REEP3: variants seen among roughly 807,000 people sequenced by gnomAD.
The protein encoded by REEP3 is receptor accessory protein 3.
REEP3 carries 20 observed loss-of-function variants against 41.3 expected under a neutral mutation model. The observed-to-expected ratio is 0.48, with a 90% CI of 0.34 to 0.70. The LOEUF is 0.70. Ranked by LOEUF, REEP3 falls within the 30% of genes least tolerant of loss-of-function variation. REEP3 has a pLI of 0.01. For synonymous variants in REEP3, 104 were observed against 101.8 expected, an observed-to-expected ratio of 1.02 and a Z score of -0.13; for missense variants, 271 against 308.8, an observed-to-expected ratio of 0.88 and a Z score of 0.92.
chr10:63,597,907 C>CAA (rs772974416), intron 3 of REEP3, 117 bp from the exon 4 acceptor site: 2,614 of 641,024 alleles, frequency 4.1e-3, no homozygotes, highest in Middle Eastern at 7.7e-3. Context: ...AACTCCATCT[C>CAA]AAAAAAAAAA....
intron 5 of REEP3, among the ~76,000 whole-genome samples, chr10:63,605,044 T>C (rs1956211560): frequency 6.6e-6 from 1 of 152,230 alleles, no homozygotes; most frequent in African/African-American, 2.4e-5. Flanking sequence ...CTGCTTAATA[T>C]TCTACAAAGC....
At chr10:63,594,533 G>T (rs956931971) in intron 2 of REEP3, among the ~76,000 whole-genome samples, 4 of 152,144 alleles carry the variant, frequency 2.6e-5, no homozygotes, top group Non-Finnish European at 5.9e-5. Context: ...AAGTCCCAGA[G>T]ATTTGTTAAT....
intron 1 of REEP3, among the ~76,000 whole-genome samples, chr10:63,533,317 G>A (rs1396130342): frequency 6.6e-6 from 1 of 152,178 alleles, no homozygotes; most frequent in East Asian, 1.9e-4. Context: ...TGAAGAAAGT[G>A]CAGATATGGA....
Position 63,623,983 on chromosome 10 carries a change from T to G in REEP3, c.*3114T>G, listed in dbSNP as rs73288126. ...CTGTGGTTAAATATTTTTTTCTTTTTTTTCCTTTTTTAGAATAACACAGTC... is the reference window on the plus strand; with the variant it reads ...CTGTGGTTAAATATTTTTTTCTTTTGTTTCCTTTTTTAGAATAACACAGTC... On this transcript the variant is annotated 3_prime_UTR_variant, in exon 8 of 8. Coordinates refer to ENST00000373758, the MANE Select transcript of REEP3 (RefSeq NM_001001330.3). 0.078 allele frequency: 11,882 copies of G among 152,342 alleles called. 1,520 individuals are homozygous for G. The highest frequency in any genetic ancestry group is 0.27 in the African/African-American group (11,248 of 41,420). 9.4% of individuals were successfully genotyped at this position (152,342 alleles called of 1,614,324 possible). A position where few individuals can be genotyped will look rare whatever the true frequency, so the allele number is the denominator to read the frequency against.
At chr10:63,579,266 A>G (rs1955927843) in intron 2 of REEP3, among the ~76,000 whole-genome samples, 1 of 152,094 alleles carries the variant, frequency 6.6e-6, no homozygotes, top group Non-Finnish European at 1.5e-5. Context: ...CCTCACCTCA[A>G]GTGATCTCCC....
At chr10:63,600,349 G>A (rs766934408) in intron 5 of REEP3, among the ~76,000 whole-genome samples, 30 of 152,000 alleles carry the variant, frequency 2.0e-4, no homozygotes, top group Non-Finnish European at 3.8e-4. Context: ...TTACATTGAG[G>A]GTTAAATGGA....
Position 63,521,835 on chromosome 10 carries a change from T to G in REEP3, c.32+258T>G, listed in dbSNP as rs948505001. On this transcript the variant is annotated intron_variant, in intron 1 of 7. Transcript: ENST00000373758. ...GGCGGCGGCTGTGGCGCTGCTCGGC[T>G]GCGTGCGGTGCGGCGCGGCGCCCCT... 21 of 84,166 alleles carry G rather than the reference T, an allele frequency of 2.5e-4. No homozygotes were observed. In the Admixed American group the frequency reaches 3.0e-3, roughly 12 times the overall value. The allele number at this position is 84,166 out of a possible 1,614,324, so 5.2% of individuals were successfully genotyped here. A position where few individuals can be genotyped will look rare whatever the true frequency, so the allele number is the denominator to read the frequency against.
chr10:63,575,300 A>G (rs190450571), intron 2 of REEP3, among the ~76,000 whole-genome samples: 1 of 152,336 alleles, frequency 6.6e-6, no homozygotes, highest in African/African-American at 2.4e-5. Context: ...CTCCCCATTC[A>G]GGAAGCTTGT....
At chr10:63,527,304 A>G (rs10761782) in intron 1 of REEP3, among the ~76,000 whole-genome samples, 64,179 of 151,482 alleles carry the variant, frequency 0.42, 14,272 homozygotes, top group South Asian at 0.53. Flanking sequence ...AAAAAAAAAA[A>G]CTCTTTTAAT....
At chr10:63,617,286 C>G (rs1161127634) in intron 6 of REEP3, among the ~76,000 whole-genome samples, 1 of 152,190 alleles carries the variant, frequency 6.6e-6, no homozygotes, top group Admixed American at 6.5e-5. Flanking sequence ...TTATACCTGA[C>G]TAATATACAA....
At chr10:63,551,490 C>CA (rs1955628423) in intron 1 of REEP3, among the ~76,000 whole-genome samples, 1 of 151,970 alleles carries the variant, frequency 6.6e-6, no homozygotes, top group South Asian at 2.1e-4. Context: ...GACTTTCTGC[C>CA]AAAAAACGTG....
intron 1 of REEP3, among the ~76,000 whole-genome samples, chr10:63,530,429 G>T (rs895752247): frequency 1.3e-5 from 2 of 152,154 alleles, no homozygotes; most frequent in African/African-American, 4.8e-5. Flanking sequence ...TAGACAATGA[G>T]AAATCAGGTA....
At chr10:63,557,156 G>C (rs2133367122) in intron 1 of REEP3, among the ~76,000 whole-genome samples, 1 of 152,170 alleles carries the variant, frequency 6.6e-6, no homozygotes, top group South Asian at 2.1e-4. Context: ...CATACAATTT[G>C]CTAATTTCTG....
chr10:63,595,577 T>C (rs1467988615), intron 3 of REEP3, among the ~76,000 whole-genome samples: 1 of 152,098 alleles, frequency 6.6e-6, no homozygotes, highest in Admixed American at 6.5e-5. Flanking sequence ...TACTCGTCTT[T>C]TTTTTCTTTT....
At chr10:63,619,142 T>A (rs187230312) in intron 6 of REEP3, among the ~76,000 whole-genome samples, 3 of 152,334 alleles carry the variant, frequency 2.0e-5, no homozygotes, top group Admixed American at 2.0e-4. Flanking sequence ...CCCAAAGTTC[T>A]AGCCCCCTGG....
intron 1 of REEP3, among the ~76,000 whole-genome samples, chr10:63,558,617 CT>C: frequency 6.6e-6 from 1 of 152,144 alleles, no homozygotes; most frequent in African/African-American, 2.4e-5. Context: ...CAAGACCCCC[CT>C]CTCTACAAAA....
At chr10:63,601,602 C>T (rs1395673597) in intron 5 of REEP3, among the ~76,000 whole-genome samples, 1 of 152,062 alleles carries the variant, frequency 6.6e-6, no homozygotes, top group Non-Finnish European at 1.5e-5. Flanking sequence ...GAGGATTTTT[C>T]GTGCTGCACA....
chr10:63,574,315 A>G (rs1461333505), intron 2 of REEP3, among the ~76,000 whole-genome samples: 1 of 152,174 alleles, frequency 6.6e-6, no homozygotes, highest in African/African-American at 2.4e-5. Context: ...CTCAATATTC[A>G]ATATTTATAT....
At chr10:63,614,023 C>CA (rs1956295015) in intron 6 of REEP3, among the ~76,000 whole-genome samples, 1 of 151,956 alleles carries the variant, frequency 6.6e-6, no homozygotes, top group South Asian at 2.1e-4. Flanking sequence ...ATAAAAAAGA[C>CA]AAACTACAAA....
Sources: gnomAD v4.1 joint callset for allele counts (sites outside exome capture counted in the v4.1 genomes callset) on GRCh38, gnomAD v4.1.1 for gene constraint, MANE v1.5 for transcripts, NCBI Gene and HGNC (gene_info 2026-07-23, HGNC 2026-07-21) for gene names.